MACROD2: variants seen among roughly 807,000 people sequenced by gnomAD.
MACROD2 encodes the protein ADP-ribose glycohydrolase MACROD2.
Under a neutral mutation model 70.4 loss-of-function variants are expected in MACROD2, and 36 were observed. The observed-to-expected ratio is 0.51, with a 90% confidence interval of 0.39 to 0.68. The LOEUF is 0.68. Among genes scored for constraint, MACROD2 ranks in the 30% least tolerant of loss-of-function variants. The pLI, the probability that MACROD2 is intolerant of heterozygous loss-of-function variation, is 0.00. For synonymous variants in MACROD2, 172 were observed against 178.8 expected, an observed-to-expected ratio of 0.96 and a Z score of 0.30; for missense variants, 496 against 538.4, an observed-to-expected ratio of 0.92 and a Z score of 0.78.
At chr20:15,005,266 G>T (rs573767437) in intron 5 of MACROD2, among the ~76,000 whole-genome samples, 2 of 152,106 alleles carry the variant, frequency 1.3e-5, no homozygotes, top group Non-Finnish European at 2.9e-5. Flanking sequence ...TGGCTTTAAA[G>T]AATACAACTT....
rs191402782 is a variant in MACROD2, at chr20:15,751,530, A to T, written c.646-111215A>T. On this transcript the variant is annotated intron_variant, in intron 8 of 17. Transcript: ENST00000684519. ...AATTTTTGTTAAATTAAATCTATGA[A>T]AGCTATGTTTTCTTGTGGACAAAGA... Among the ~76,000 whole-genome samples the T allele has an allele frequency of 3.2e-3, 482 of 152,102 alleles. 5 individuals are homozygous for T. Among genetic ancestry groups the T allele is most frequent in the Admixed American group, 6.1e-3 (93 of 15,264 alleles).
intron 8 of MACROD2, among the ~76,000 whole-genome samples, chr20:15,747,311 G>T (rs2051198280): frequency 6.6e-6 from 1 of 152,150 alleles, no homozygotes; most frequent in South Asian, 2.1e-4. Flanking sequence ...TTCAAAGACT[G>T]CAGTGCATTG....
chr20:14,866,848 G>C (rs1209393402), intron 5 of MACROD2, among the ~76,000 whole-genome samples: 2 of 152,070 alleles, frequency 1.3e-5, no homozygotes, highest in Non-Finnish European at 2.9e-5. Context: ...GGATAAATAT[G>C]CATTTGCTTT....
chr20:15,633,012 T>A (rs915810709), intron 8 of MACROD2, among the ~76,000 whole-genome samples: 1 of 151,794 alleles, frequency 6.6e-6, no homozygotes, highest in Non-Finnish European at 1.5e-5. Context: ...ACCTACTTCC[T>A]ACAGAGGCAC....
intron 6 of MACROD2, among the ~76,000 whole-genome samples, chr20:15,346,152 A>G (rs1231381876): frequency 6.6e-6 from 1 of 151,876 alleles, no homozygotes; most frequent in Non-Finnish European, 1.5e-5. Context: ...GCATAATCAT[A>G]GCTTGCTCAC....
chr20:14,464,512 G>C (rs908259193), intron 3 of MACROD2, among the ~76,000 whole-genome samples: 20 of 151,954 alleles, frequency 1.3e-4, no homozygotes, highest in African/African-American at 4.8e-4. Context: ...TTTTTTAAAG[G>C]GTTTTTTGTG....
At chr20:14,214,594 TTTTTTTTTAAGG>T (rs1373912236) in intron 3 of MACROD2, among the ~76,000 whole-genome samples, 1 of 147,688 alleles carries the variant, frequency 6.8e-6, no homozygotes, top group Non-Finnish European at 1.5e-5. Flanking sequence ...TTCTTTTTTT[TTTTTTTTTAAGG>T]TTTTTTTTTT....
chr20:15,329,492 C>G (rs909201612), intron 6 of MACROD2, among the ~76,000 whole-genome samples: 4 of 151,998 alleles, frequency 2.6e-5, no homozygotes, highest in African/African-American at 9.7e-5. Flanking sequence ...AATCCCAGCA[C>G]TTAGGAAGGC....
intron 6 of MACROD2, among the ~76,000 whole-genome samples, chr20:15,393,988 A>G (rs529753416): frequency 6.5e-4 from 99 of 152,292 alleles, no homozygotes; most frequent in African/African-American, 2.0e-3. Context: ...ATATCTTAAT[A>G]GTGATGCTGA....
At chr20:15,842,917 TCCACTGC>T (rs1386941726) in intron 8 of MACROD2, among the ~76,000 whole-genome samples, 2 of 152,254 alleles carry the variant, frequency 1.3e-5, no homozygotes, top group African/African-American at 2.4e-5. Context: ...TATATCAAGA[TCCACTGC>T]CCAAAATAAT....
chr20:15,142,979 C>T (rs1256769286), intron 5 of MACROD2, among the ~76,000 whole-genome samples: 1 of 152,060 alleles, frequency 6.6e-6, no homozygotes, highest in Non-Finnish European at 1.5e-5. Flanking sequence ...CATATGTGTG[C>T]ATGTGTCTTT....
At chr20:15,411,717 G>A (rs1296030699) in intron 6 of MACROD2, among the ~76,000 whole-genome samples, 1 of 152,202 alleles carries the variant, frequency 6.6e-6, no homozygotes, top group Non-Finnish European at 1.5e-5. Context: ...TTTAGACTCT[G>A]TATGCAGCTG....
intron 8 of MACROD2, among the ~76,000 whole-genome samples, chr20:15,855,009 A>T (rs1012760367): frequency 6.6e-6 from 1 of 152,146 alleles, no homozygotes; most frequent in Non-Finnish European, 1.5e-5. Flanking sequence ...GGCTATATTT[A>T]CCCAGGATAG....
intron 2 of MACROD2, among the ~76,000 whole-genome samples, chr20:14,028,209 C>T (rs770260986): frequency 2.6e-5 from 4 of 152,216 alleles, no homozygotes; most frequent in Admixed American, 1.3e-4. Flanking sequence ...TTTGTTTACA[C>T]TGTAAGGGGA....
chr20:14,969,225 G>A (rs2074667706), intron 5 of MACROD2, among the ~76,000 whole-genome samples: 1 of 151,868 alleles, frequency 6.6e-6, no homozygotes, highest in Non-Finnish European at 1.5e-5. Context: ...ACATCAGAGT[G>A]TTGGTAATGG....
intron 7 of MACROD2, among the ~76,000 whole-genome samples, 171 bp downstream of exon 7, chr20:15,431,606 T>C (rs558133419): frequency 6.6e-6 from 1 of 152,044 alleles, no homozygotes; most frequent in African/African-American, 2.4e-5. Flanking sequence ...TCAGATTCTT[T>C]TGGGTTCTTG....
intron 5 of MACROD2, among the ~76,000 whole-genome samples, chr20:15,050,533 C>CTT (rs386393390): frequency 0.093 from 7,240 of 77,784 alleles, 1,941 homozygotes; most frequent in Non-Finnish European, 0.12. Context: ...CTATTTAGGT[C>CTT]TTTTTTTTTT....
intron 10 of MACROD2, among the ~76,000 whole-genome samples, chr20:15,915,494 G>A (rs2065301279): frequency 6.6e-6 from 1 of 152,134 alleles, no homozygotes; most frequent in South Asian, 2.1e-4. Context: ...TCAATAAATG[G>A]AAAATAAATA....
At chr20:14,690,403 T>A (rs548017668) in intron 5 of MACROD2, among the ~76,000 whole-genome samples, 1 of 152,318 alleles carries the variant, frequency 6.6e-6, no homozygotes, top group African/African-American at 2.4e-5. Context: ...AGAATACACA[T>A]TCTATTCCCA....
Sources: gnomAD v4.1 joint callset for allele counts (sites outside exome capture counted in the v4.1 genomes callset) on GRCh38, gnomAD v4.1.1 for gene constraint, MANE v1.5 for transcripts, NCBI Gene and HGNC (gene_info 2026-07-23, HGNC 2026-07-21) for gene names.